Variants in KCNT1 observed in about 807,000 individuals in gnomAD.
The protein encoded by KCNT1 is potassium sodium-activated channel subfamily T member 1.
Under a neutral mutation model 147.8 loss-of-function variants are expected in KCNT1, and 78 were observed. That is an observed-to-expected ratio of 0.53 (90% CI 0.44 to 0.64). The LOEUF (loss-of-function observed/expected upper bound fraction) is 0.64. KCNT1 is among the 30% of genes least tolerant of loss of function. The pLI is 0.00. For missense variants in KCNT1, 1,419 were observed against 1,750.3 expected (o/e 0.81, Z 3.38); for synonymous variants, 867 against 748.8 (o/e 1.16, Z -2.58).
Position 135,708,404 on chromosome 9 carries a change from C to T in KCNT1, c.110+6036C>T, listed in dbSNP as rs561713364. Reference sequence around the variant, plus strand: ...ACATCAGCATGCATGTGCGTATTTACGTGCTTACATGTGCTCATCTCCCTC... The same window carrying T: ...ACATCAGCATGCATGTGCGTATTTATGTGCTTACATGTGCTCATCTCCCTC... On this transcript the variant is annotated intron_variant, in intron 1 of 30. Transcript: ENST00000371757. Among the ~76,000 whole-genome samples the T allele has an allele frequency of 3.9e-4, 60 of 152,360 alleles. 2 individuals are homozygous for T. In the South Asian group the frequency reaches 0.012, roughly 31 times the overall value.
intron 2 of KCNT1, among the ~76,000 whole-genome samples, chr9:135,745,378 G>A (rs1032144695): frequency 5.3e-5 from 8 of 152,236 alleles, no homozygotes; most frequent in African/African-American, 1.2e-4. Context: ...CTTTCCCACC[G>A]GCCGGGCCCT....
At chr9:135,777,548 G>A (rs1833254107) in intron 21 of KCNT1, 38 bp downstream of exon 21, 2 of 1,453,432 alleles carry the variant, frequency 1.4e-6, no homozygotes, top group Non-Finnish European at 1.9e-6. Context: ...CGCCCACCCG[G>A]GCCCTCAGAC....
intron 2 of KCNT1, among the ~76,000 whole-genome samples, chr9:135,718,765 G>A (rs745757975): frequency 3.9e-5 from 6 of 152,220 alleles, no homozygotes; most frequent in Non-Finnish European, 7.3e-5. Context: ...GCAGGTGGGC[G>A]GGCAGGACTC....
rs914428 is a variant in KCNT1, at chr9:135,777,415, G to A, written c.2427G>A (p.Thr809=). Residue 809 remains threonine (T), a synonymous_variant, in exon 21 of 31, where the codon ACG becomes ACA. Coordinates refer to ENST00000371757, the MANE Select transcript of KCNT1 (RefSeq NM_020822.3). The part of the protein sequence containing the change: ...KNKLIIVSAE[T]AGNGLYNFIV... ...AGCTGATCATCGTCTCGGCAGAGAC[G>A]GCCGGCAATGGGCTGTACAACTTCA... is the stretch of plus-strand genomic sequence containing the variant. The A allele has an allele frequency of 0.68, 1,091,578 of 1,613,708 alleles. 372,007 individuals carry two copies. The highest frequency in any genetic ancestry group is 0.74 in the South Asian group (67,291 of 91,072).
chr9:135,727,036 ATTCTCTC>A, intron 2 of KCNT1, among the ~76,000 whole-genome samples: 1 of 13,562 alleles, frequency 7.4e-5, no homozygotes, highest in Non-Finnish European at 1.4e-4. Flanking sequence ...TCTCTTTCCC[ATTCTCTC>A]TCTCTCTCCC....
In KCNT1 at chr9:135,773,121, C is replaced by T. The variant is rs113382099; in HGVS notation, c.2243+172C>T. On this transcript the variant is annotated intron_variant, in intron 19 of 30. Transcript: ENST00000371757. ...AAATCTTCAGGGGGCCCAACACAGACATCAGGGCCACATCACCCTCGTCGC... is the reference window on the plus strand; with the variant it reads ...AAATCTTCAGGGGGCCCAACACAGATATCAGGGCCACATCACCCTCGTCGC... 0.026 allele frequency among the ~76,000 whole-genome samples: 3,942 copies of T among 152,324 alleles called. 69 individuals are homozygous for T. Among genetic ancestry groups the T allele is most frequent in the Middle Eastern group, 0.11 (31 of 294 alleles).
rs567483521 is a variant in KCNT1 at position 135,752,463 on chromosome 9, T to C, written c.434+1422T>C. 1.1e-4 allele frequency: 49 copies of C among 456,178 alleles called. No homozygotes were observed. In the East Asian group the frequency reaches 3.2e-3, roughly 30 times the overall value. 28.3% of individuals were successfully genotyped at this position (456,178 alleles called of 1,614,324 possible). A position where few individuals can be genotyped will look rare whatever the true frequency, so the allele number is the denominator to read the frequency against. ...CTCTCAAGCTACTTTCCTAGGTCAC[T>C]CCCCACCCCAAGTCCCAGGGTCCCC... On this transcript the variant is annotated intron_variant, in intron 4 of 30. Coordinates refer to ENST00000371757, the MANE Select transcript of KCNT1 (RefSeq NM_020822.3). The surrounding 1 kb of genome is among the most constrained non-coding windows in gnomAD (Gnocchi z 5.1).
chr9:135,768,248 GGGGGGGGGGCAC>G (rs1564366306), intron 13 of KCNT1, among the ~76,000 whole-genome samples: 1 of 39,600 alleles, frequency 2.5e-5, no homozygotes, highest in Non-Finnish European at 7.8e-5. Context: ...TGCGGGGGGG[GGGGGGGGGGCAC>G]TGGGATACCG....
intron 13 of KCNT1, among the ~76,000 whole-genome samples, chr9:135,767,345 G>T (rs1040900125): frequency 1.3e-5 from 2 of 152,206 alleles, no homozygotes; most frequent in Non-Finnish European, 2.9e-5. Context: ...AGGGCCTGGG[G>T]CCCCTGCGGA....
rs1834720694 is a variant in KCNT1 at position 135,794,410 on chromosome 9, C to T, written c.*2249C>T. Reference sequence around the variant, plus strand: ...TGAGAACATCAGTGGTCCGTTCCCTCCTGCACACTGGTGGCAAGTGGCAGC... The same window carrying T: ...TGAGAACATCAGTGGTCCGTTCCCTTCTGCACACTGGTGGCAAGTGGCAGC... On this transcript the variant is annotated 3_prime_UTR_variant, in exon 31 of 31. Coordinates refer to ENST00000371757, the MANE Select transcript of KCNT1 (RefSeq NM_020822.3). 1 of 152,410 alleles carries T rather than the reference C, an allele frequency of 6.6e-6. No individual in the cohort carries two copies. The highest frequency in any genetic ancestry group is 2.1e-4 in the South Asian group (1 of 4,832). 9.4% of individuals were successfully genotyped at this position (152,410 alleles called of 1,614,324 possible). A position where few individuals can be genotyped will look rare whatever the true frequency, so the allele number is the denominator to read the frequency against.
chr9:135,788,746 G>A (rs899138184), intron 29 of KCNT1, among the ~76,000 whole-genome samples: 2 of 152,294 alleles, frequency 1.3e-5, no homozygotes, highest in African/African-American at 4.8e-5. Context: ...CTCCACGAGG[G>A]GATTCTTCCT....
intron 2 of KCNT1, among the ~76,000 whole-genome samples, chr9:135,733,785 C>A (rs913451199): frequency 1.3e-5 from 2 of 148,444 alleles, no homozygotes; most frequent in Admixed American, 6.7e-5. Flanking sequence ...GACTGGCAGC[C>A]CCCCATAGCA....
At chr9:135,770,803 G>C (rs1160224989) in intron 17 of KCNT1, 54 bp from the exon 18 acceptor site, 1 of 1,457,904 alleles carries the variant, frequency 6.9e-7, no homozygotes, top group Non-Finnish European at 9.4e-7. Flanking sequence ...CAGGCAGGGA[G>C]CGGGACAGGG....
intron 28 of KCNT1, 123 bp downstream of exon 28, chr9:135,785,453 A>G (rs1833968414): frequency 8.1e-7 from 1 of 1,228,364 alleles, no homozygotes; most frequent in East Asian, 2.8e-5. Flanking sequence ...AAGCCGAGGC[A>G]GGAGCGGGTC....
At chr9:135,738,678 C>T (rs554922657) in intron 2 of KCNT1, among the ~76,000 whole-genome samples, 7 of 152,214 alleles carry the variant, frequency 4.6e-5, no homozygotes, top group South Asian at 4.1e-4. Flanking sequence ...CCACAGGAGG[C>T]GTTGTCGGGG....
intron 29 of KCNT1, among the ~76,000 whole-genome samples, chr9:135,788,460 TCTC>T (rs1834240697): frequency 6.6e-6 from 1 of 152,236 alleles, no homozygotes; most frequent in Non-Finnish European, 1.5e-5. Context: ...TGGTGCTGCT[TCTC>T]CTGCTTTGCT....
At chr9:135,750,848 G>T in intron 3 of KCNT1, 94 bp from the exon 4 acceptor site, 1 of 1,129,040 alleles carries the variant, frequency 8.9e-7, no homozygotes, top group Non-Finnish European at 1.3e-6. Flanking sequence ...CCCAGCTGGG[G>T]CCATCCAGAG....
intron 27 of KCNT1, 125 bp from the exon 28 acceptor site, chr9:135,785,185 G>A: frequency 7.0e-7 from 1 of 1,431,462 alleles, no homozygotes; most frequent in East Asian, 2.3e-5. Flanking sequence ...CTGTGCTGCA[G>A]TCCACACAGC....
In KCNT1 at chr9:135,792,390, G is replaced by A. The variant is rs1391268126; in HGVS notation, c.*229G>A. On this transcript the variant is annotated 3_prime_UTR_variant, in exon 31 of 31. Coordinates refer to ENST00000371757, the MANE Select transcript of KCNT1 (RefSeq NM_020822.3). Reference sequence around the variant, plus strand: ...AGAGTTTTTTAACCTATTTTTACACGTCGATGCAGTCCACTTCTCTTTACA... The same window carrying A: ...AGAGTTTTTTAACCTATTTTTACACATCGATGCAGTCCACTTCTCTTTACA... 7 of 476,288 alleles carry A rather than the reference G, an allele frequency of 1.5e-5. No individual in the cohort carries two copies. The highest frequency in any genetic ancestry group is 3.6e-5 in the Admixed American group (1 of 27,734). 29.5% of individuals were successfully genotyped at this position (476,288 alleles called of 1,614,324 possible).
Sources: gnomAD v4.1 joint callset for allele counts (sites outside exome capture counted in the v4.1 genomes callset) on GRCh38, gnomAD v4.1.1 for gene constraint, Gnocchi (gnomAD v3.1) non-coding constraint, MANE v1.5 for transcripts, NCBI Gene and HGNC (gene_info 2026-07-23, HGNC 2026-07-21) for gene names.